Variants in FOCAD observed in about 807,000 individuals in gnomAD.
FOCAD encodes the protein KIAA1797.
A neutral mutation model predicts 225.6 loss-of-function variants in FOCAD; 198 were observed. That is an observed-to-expected ratio of 0.88 (90% CI 0.78 to 0.99). The LOEUF (loss-of-function observed/expected upper bound fraction) is 0.99. Among genes scored for constraint, FOCAD ranks in the 50% least tolerant of loss-of-function variants. The pLI is 0.00. For missense variants in FOCAD, 2,713 were observed against 2,123.6 expected (o/e 1.28, Z -5.46); for synonymous variants, 897 against 755.0 (o/e 1.19, Z -3.08).
intron 35 of FOCAD, among the ~76,000 whole-genome samples, chr9:20,953,734 G>T (rs781078816): frequency 1.3e-5 from 2 of 152,288 alleles, no homozygotes; most frequent in African/African-American, 2.4e-5. Context: ...ACATGTCATG[G>T]CTCAGGAATC....
At chr9:20,937,786 A>G (rs946254310) in intron 28 of FOCAD, among the ~76,000 whole-genome samples, 2 of 152,148 alleles carry the variant, frequency 1.3e-5, no homozygotes, top group African/African-American at 4.8e-5. Context: ...ATCAGAGTGA[A>G]CAGGCAACCT....
At chr9:20,827,262 T>G (rs1014024490) in intron 15 of FOCAD, among the ~76,000 whole-genome samples, 2 of 152,116 alleles carry the variant, frequency 1.3e-5, no homozygotes, top group African/African-American at 4.8e-5. Context: ...CTCTGTGGAT[T>G]TACTTATTCT....
chr9:20,989,900 G>T (rs985425783), intron 41 of FOCAD, among the ~76,000 whole-genome samples: 2 of 152,104 alleles, frequency 1.3e-5, no homozygotes, highest in Admixed American at 1.3e-4. Flanking sequence ...CACATAAAGG[G>T]ACTTCAAAAA....
At chr9:20,818,375 T>A (rs981764167) in intron 11 of FOCAD, among the ~76,000 whole-genome samples, 2 of 152,256 alleles carry the variant, frequency 1.3e-5, no homozygotes, top group Non-Finnish European at 2.9e-5. Context: ...CATTTTTACG[T>A]TGATGAAATT....
rs1163393365 is a variant in FOCAD at position 20,940,923 on chromosome 9, TA to T, written c.3408-3703del. ...GATGCTGGACAGTATACTGTGTATT[TA>T]TTTTTTTTCTGACATGCAAGTGTCA... On this transcript the variant is annotated intron_variant, in intron 28 of 43. Transcript: ENST00000338382. 4.6e-5 allele frequency among the ~76,000 whole-genome samples: 7 copies of T among 152,312 alleles called. 1 individual carries two copies. Among genetic ancestry groups the T allele is most frequent in the African/African-American group, 1.7e-4 (7 of 41,576 alleles).
chr9:20,959,878 AAT>A lies in FOCAD; in HGVS notation c.4132+6814_4132+6815del, dbSNP rs149945850. ...ATTAATTTCTGAGTTCTCTGTTCTG[AAT>A]TTATTTTTAAATTTGTATTTTTTTA... On this transcript the variant is annotated intron_variant, in intron 35 of 43. Transcript: ENST00000338382. Among the ~76,000 whole-genome samples the A allele has an allele frequency of 2.2e-3, 331 of 152,250 alleles. 8 individuals are homozygous for A. The East Asian group carries it at 0.043, about 20-fold the overall frequency.
At position 20,769,109 on chromosome 9, in the gene FOCAD, A is replaced by T. The variant is rs1817908566; in HGVS notation, c.700-923A>T. On this transcript the variant is annotated intron_variant, in intron 7 of 43. Transcript: ENST00000338382. ...TCCTACTGTGTGTTTGCAAGAGAGC[A>T]AAATAATTTATACCAGACTGTTTAT... 2.0e-5 allele frequency among the ~76,000 whole-genome samples: 3 copies of T among 152,194 alleles called. No individual in the cohort carries two copies. In the South Asian group the frequency reaches 6.2e-4, roughly 32 times the overall value.
At chr9:20,924,715 A>G (rs554702994) in intron 25 of FOCAD, among the ~76,000 whole-genome samples, 1 of 152,308 alleles carries the variant, frequency 6.6e-6, no homozygotes, top group Non-Finnish European at 1.5e-5. Flanking sequence ...AAAAAGGAAC[A>G]GGAAGTATAT....
At chr9:20,877,012 G>A (rs1057190268) in intron 19 of FOCAD, among the ~76,000 whole-genome samples, 2 of 152,152 alleles carry the variant, frequency 1.3e-5, no homozygotes, top group African/African-American at 4.8e-5. Context: ...TGCAAAAACA[G>A]TTTAGAGAGT....
At chr9:20,675,598 A>G (rs538339611) in intron 2 of FOCAD, among the ~76,000 whole-genome samples, 1 of 152,350 alleles carries the variant, frequency 6.6e-6, no homozygotes, top group African/African-American at 2.4e-5. Flanking sequence ...CAAAAATAAC[A>G]AAAGAGTTGA....
intron 15 of FOCAD, among the ~76,000 whole-genome samples, chr9:20,849,547 C>G (rs1827446888): frequency 1.3e-5 from 2 of 151,886 alleles, no homozygotes; most frequent in South Asian, 4.2e-4. Flanking sequence ...ATTTTGAACT[C>G]TTTATTATTT....
intron 6 of FOCAD, among the ~76,000 whole-genome samples, chr9:20,764,639 G>A (rs990999741): frequency 6.6e-6 from 1 of 152,170 alleles, no homozygotes; most frequent in Non-Finnish European, 1.5e-5. Flanking sequence ...CTTCATCCTG[G>A]GCATCTAGCT....
chr9:20,954,061 A>G (rs981760554), intron 35 of FOCAD, among the ~76,000 whole-genome samples: 1 of 152,140 alleles, frequency 6.6e-6, no homozygotes. Context: ...CCTGGAGACA[A>G]ATTCCATTAA....
At chr9:20,813,116 G>A (rs543105884) in intron 11 of FOCAD, among the ~76,000 whole-genome samples, 1 of 152,216 alleles carries the variant, frequency 6.6e-6, no homozygotes, top group Admixed American at 6.5e-5. Flanking sequence ...GAATAATGCA[G>A]TATTCGTCCT....
intron 16 of FOCAD, among the ~76,000 whole-genome samples, chr9:20,865,509 T>C (rs1829148483): frequency 6.6e-6 from 1 of 152,064 alleles, no homozygotes; most frequent in South Asian, 2.1e-4. Flanking sequence ...AAAAACGCAG[T>C]CACTGCCTTA....
intron 2 of FOCAD, among the ~76,000 whole-genome samples, chr9:20,679,121 ATGTGTGTGTGTGTGTGTGTGTG>A (rs539231126): frequency 2.6e-3 from 321 of 122,040 alleles, no homozygotes; most frequent in African/African-American, 9.0e-3. Context: ...CAGTCTGTGT[ATGTGTGTGTGTGTGTGTGTGTG>A]TGTGTGTGTG....
intron 22 of FOCAD, among the ~76,000 whole-genome samples, chr9:20,909,799 A>G (rs1459432950): frequency 3.3e-5 from 5 of 152,102 alleles, no homozygotes; most frequent in Admixed American, 3.3e-4. Flanking sequence ...AGTTTATGGT[A>G]TCTTAGAATA....
intron 34 of FOCAD, 76 bp downstream of exon 34, chr9:20,951,174 C>A: frequency 9.4e-7 from 1 of 1,062,160 alleles, no homozygotes; most frequent in Non-Finnish European, 1.4e-6. Flanking sequence ...TTGTTAAGAG[C>A]ATTAATCTTC....
intron 27 of FOCAD, among the ~76,000 whole-genome samples, chr9:20,930,265 G>GTGC (rs999746570): frequency 1.8e-4 from 27 of 152,138 alleles, no homozygotes; most frequent in African/African-American, 5.6e-4. Flanking sequence ...GGTTTTTTTA[G>GTGC]TGCATCAGTC....
Sources: gnomAD v4.1 joint callset for allele counts (sites outside exome capture counted in the v4.1 genomes callset) on GRCh38, gnomAD v4.1.1 for gene constraint, MANE v1.5 for transcripts, NCBI Gene and HGNC (gene_info 2026-07-23, HGNC 2026-07-21) for gene names.